IMPA1: variants seen among roughly 807,000 people sequenced by gnomAD.
IMPA1 encodes the protein inositol monophosphatase 1.
IMPA1 carries 21 observed loss-of-function variants against 34.9 expected under a neutral mutation model. The observed-to-expected ratio is 0.60, with a 90% confidence interval of 0.43 to 0.87. The LOEUF (loss-of-function observed/expected upper bound fraction) is 0.87, where lower values mean the gene tolerates loss of function less well. Ranked by LOEUF, IMPA1 falls within the 40% of genes least tolerant of loss-of-function variation. The pLI, the probability that IMPA1 is intolerant of heterozygous loss-of-function variation, is 0.00. For missense variants in IMPA1, 299 were observed against 336.4 expected (o/e 0.89, Z 0.87); for synonymous variants, 95 against 104.4 (o/e 0.91, Z 0.55).
chr8:81,658,054 C>T lies in IMPA1; in HGVS notation c.*1297G>A, dbSNP rs1464361295. 1 of 152,042 alleles carries T rather than the reference C, an allele frequency of 6.6e-6. No homozygotes were observed. The highest frequency in any genetic ancestry group is 1.5e-5 in the Non-Finnish European group (1 of 68,018). The allele number at this position is 152,042 out of a possible 1,614,324, so 9.4% of individuals were successfully genotyped here. On this transcript the variant is annotated 3_prime_UTR_variant, in exon 9 of 9. Coordinates refer to ENST00000256108, the MANE Select transcript of IMPA1 (RefSeq NM_005536.4). The stretch of plus-strand genomic sequence containing the variant: ...ATCAGATGTTTTAAGTACATGTGAT[C>T]AACAGTACAAATAATTATAGCAGTC...
intron 4 of IMPA1, chr8:81,678,587 C>A (rs2932222): frequency 6.0e-6 from 1 of 167,140 alleles, no homozygotes; most frequent in Non-Finnish European, 1.3e-5. Context: ...ACCTACTTGG[C>A]AGGCTGAGGC....
At position 81,686,287 on chromosome 8, in the gene IMPA1, G is replaced by A. The variant is rs137873789; in HGVS notation, c.-60C>T. ...AGGACGTCCGGCTAGCTCTGTGAAC[G>A]GTGTTACCGCACTCGTCTCTTCCGG... On this transcript the variant is annotated 5_prime_UTR_variant, in exon 1 of 9. Coordinates refer to ENST00000256108, the MANE Select transcript of IMPA1 (RefSeq NM_005536.4). 9.1e-6 allele frequency: 9 copies of A among 992,730 alleles called. No individual in the cohort carries two copies. The highest frequency in any genetic ancestry group is 1.1e-5 in the Non-Finnish European group (9 of 834,310). 61.5% of individuals were successfully genotyped at this position (992,730 alleles called of 1,614,324 possible).
At chr8:81,660,815 T>A (rs1202061063) in intron 7 of IMPA1, 148 bp from the exon 8 acceptor site, 9 of 474,700 alleles carry the variant, frequency 1.9e-5, no homozygotes, top group Non-Finnish European at 3.4e-5. Context: ...AATTGTAAAA[T>A]AAAAATATGT....
intron 1 of IMPA1, among the ~76,000 whole-genome samples, chr8:81,684,959 CTATGTATAG>C (rs1259540416): frequency 1.1e-4 from 13 of 122,654 alleles, no homozygotes; most frequent in South Asian, 2.5e-4. Context: ...TATTTAGATA[CTATGTATAG>C]TATATATACT....
intron 4 of IMPA1, 109 bp downstream of exon 4, chr8:81,679,017 T>G: frequency 1.5e-6 from 1 of 660,438 alleles, no homozygotes. Context: ...TAAAGAAGCA[T>G]AAACGAAGTA....
At chr8:81,682,839 T>C (rs1039015994) in intron 1 of IMPA1, among the ~76,000 whole-genome samples, 1 of 152,192 alleles carries the variant, frequency 6.6e-6, no homozygotes, top group Non-Finnish European at 1.5e-5. Flanking sequence ...ACTATGTCCT[T>C]CATCCTTCAA....
At position 81,673,883 on chromosome 8, in the gene IMPA1, C is replaced by A; in HGVS notation, c.415G>T (p.Ala139Ser). 1.2e-6 allele frequency: 2 copies of A among 1,612,928 alleles called. No individual in the cohort carries two copies. Among genetic ancestry groups the A allele is most frequent in the Non-Finnish European group, 1.7e-6 (2 of 1,179,026 alleles). Residue 139 changes from alanine to serine, a missense_variant, in exon 6 of 9, where the codon GCC becomes TCC. Coordinates refer to ENST00000256108, the MANE Select transcript of IMPA1 (RefSeq NM_005536.4). Reference sequence around the variant, plus strand: ...TGTAGTTTTTGACCATTACAAAAGGCACCTTTTCCTTTTCTGGCAGTGTAC... The same window carrying A: ...TGTAGTTTTTGACCATTACAAAAGGAACCTTTTCCTTTTCTGGCAGTGTAC... ...KMYTARKGKGAFCNGQKLQVS... is the reference protein window; with the variant it reads ...KMYTARKGKGSFCNGQKLQVS...
intron 5 of IMPA1, among the ~76,000 whole-genome samples, chr8:81,675,073 TA>T (rs1417332911): frequency 8.5e-5 from 13 of 152,162 alleles, no homozygotes; most frequent in African/African-American, 3.1e-4. Context: ...AAACACAAAC[TA>T]AATTTTCTTG....
chr8:81,667,103 C>T (rs1806851105), intron 7 of IMPA1, among the ~76,000 whole-genome samples: 1 of 151,926 alleles, frequency 6.6e-6, no homozygotes, highest in Non-Finnish European at 1.5e-5. Context: ...ATCAGAGACT[C>T]TCAGTATAAG....
chr8:81,685,256 TA>T lies in IMPA1; in HGVS notation c.-25+995del, dbSNP rs1364732284. ...ATTTAGATACTATATATACTATACA[TA>T]AGTATAGATACTATATATAGTATAT... On this transcript the variant is annotated intron_variant, in intron 1 of 8. Coordinates refer to ENST00000256108, the MANE Select transcript of IMPA1 (RefSeq NM_005536.4). Among the ~76,000 whole-genome samples, 49 of 76,036 alleles carry T rather than the reference TA, an allele frequency of 6.4e-4. 1 individual carries two copies. The highest frequency in any genetic ancestry group is 2.6e-3 in the African/African-American group (37 of 14,494). 49.9% of individuals were successfully genotyped at this position (76,036 alleles called of 152,430 possible).
At chr8:81,672,494 A>G (rs1585896169) in intron 6 of IMPA1, among the ~76,000 whole-genome samples, 1 of 152,348 alleles carries the variant, frequency 6.6e-6, no homozygotes, top group East Asian at 1.9e-4. Flanking sequence ...TCAACAGTGT[A>G]TAGCCAATCA....
In IMPA1 at chr8:81,671,040, G is replaced by A. The variant is rs1806974367; in HGVS notation, c.465C>T (p.Thr155=). The change falls in exon 7 of 9, where the codon ACC becomes ACT. Residue 155 remains threonine (T), a synonymous_variant. Coordinates refer to ENST00000256108, the MANE Select transcript of IMPA1 (RefSeq NM_005536.4). ...CCAACTCAGTCACCAAGAGAGATTT[G>A]GTAATATCTAAAAAGAAAGTGTTAG... ...KLQVSQQEDI[T]KSLLVTELGS... 2.0e-6 allele frequency: 3 copies of A among 1,467,816 alleles called. No homozygotes were observed. The East Asian group carries it at 7.9e-5, about 39-fold the overall frequency. The allele number at this position is 1,467,816 out of a possible 1,614,324, so 90.9% of individuals were successfully genotyped here.
intron 7 of IMPA1, among the ~76,000 whole-genome samples, chr8:81,666,400 AAC>A (rs1306266767): frequency 4.6e-5 from 7 of 152,230 alleles, no homozygotes; most frequent in Non-Finnish European, 1.0e-4. Flanking sequence ...TTGAGACAAA[AAC>A]AGTCATATCA....
rs909702204 is a variant in IMPA1 at position 81,657,348 on chromosome 8, A to G, written c.*2003T>C. Among the ~76,000 whole-genome samples the G allele has an allele frequency of 4.6e-5, 7 of 152,154 alleles. No individual in the cohort carries two copies. The highest frequency in any genetic ancestry group is 4.6e-4 in the Admixed American group (7 of 15,270). On this transcript the variant is annotated 3_prime_UTR_variant, in exon 9 of 9. Transcript: ENST00000256108. Reference sequence around the variant, plus strand: ...ACATCTGTAATCCCAGCACTTTAGAAGGCTGAGGCAGGAGGATCACTTGAG... The same window carrying G: ...ACATCTGTAATCCCAGCACTTTAGAGGGCTGAGGCAGGAGGATCACTTGAG...
In IMPA1 at chr8:81,663,104, T is replaced by C. The variant is rs1192375603; in HGVS notation, c.567-2437A>G. ...TCAGTACTTCTTAGTAATATTTTCCTGGTTATACTTTTGAAAAAAATCTGA... is the reference window on the plus strand; with the variant it reads ...TCAGTACTTCTTAGTAATATTTTCCCGGTTATACTTTTGAAAAAAATCTGA... On this transcript the variant is annotated intron_variant, in intron 7 of 8. Coordinates refer to ENST00000256108, the MANE Select transcript of IMPA1 (RefSeq NM_005536.4). Among the ~76,000 whole-genome samples the C allele has an allele frequency of 2.6e-5, 4 of 152,212 alleles. No homozygotes were observed. The South Asian group carries it at 8.3e-4, about 32-fold the overall frequency.
chr8:81,680,213 G>C (rs916935847), intron 3 of IMPA1, among the ~76,000 whole-genome samples: 4 of 151,956 alleles, frequency 2.6e-5, no homozygotes, highest in African/African-American at 7.3e-5. Context: ...CCTTGAGCGT[G>C]AGCTATGCAG....
chr8:81,673,095 A>T (rs1218485854), intron 6 of IMPA1, among the ~76,000 whole-genome samples: 1 of 152,218 alleles, frequency 6.6e-6, no homozygotes, highest in Non-Finnish European at 1.5e-5. Context: ...TTTGCCCACA[A>T]GGAAATTCCT....
At chr8:81,659,521 TA>T in intron 8 of IMPA1, 55 bp from the exon 9 acceptor site, 1 of 986,766 alleles carries the variant, frequency 1.0e-6, no homozygotes. Flanking sequence ...ATAATTCATA[TA>T]AAACAAGTAT....
intron 5 of IMPA1, among the ~76,000 whole-genome samples, chr8:81,675,407 A>G (rs576818928): frequency 6.6e-6 from 1 of 152,258 alleles, no homozygotes; most frequent in East Asian, 1.9e-4. Flanking sequence ...TGGTTCTACC[A>G]CATATCATCT....
Sources: gnomAD v4.1 joint callset for allele counts (sites outside exome capture counted in the v4.1 genomes callset) on GRCh38, gnomAD v4.1.1 for gene constraint, MANE v1.5 for transcripts, NCBI Gene and HGNC (gene_info 2026-07-23, HGNC 2026-07-21) for gene names.